Variants in ADAMTS12 observed in about 807,000 individuals in gnomAD.
ADAMTS12 encodes A disintegrin and metalloproteinase with thrombospondin motifs 12.
A neutral mutation model predicts 167.8 loss-of-function variants in ADAMTS12; 118 were observed. The ratio of observed to expected loss-of-function variants is 0.70; its 90% CI spans 0.61 to 0.82. ADAMTS12 has a LOEUF of 0.82. ADAMTS12 is among the 40% of genes least tolerant of loss of function. The pLI, the probability that ADAMTS12 is intolerant of heterozygous loss-of-function variation, is 0.00. For missense variants in ADAMTS12, 1,916 were observed against 1,998.8 expected (o/e 0.96, Z 0.79); for synonymous variants, 704 against 716.9 (o/e 0.98, Z 0.29).
intron 2 of ADAMTS12, among the ~76,000 whole-genome samples, chr5:33,852,407 C>A (rs1023337479): frequency 5.3e-5 from 8 of 152,124 alleles, no homozygotes; most frequent in African/African-American, 1.9e-4. Context: ...TTCTTACGGC[C>A]AAAGCAGAAA....
At chr5:33,680,142 C>T (rs1033574580) in intron 5 of ADAMTS12, among the ~76,000 whole-genome samples, 4 of 152,280 alleles carry the variant, frequency 2.6e-5, no homozygotes, top group East Asian at 1.9e-4. Context: ...TAATATTTGG[C>T]AAGTGGGAGG....
At chr5:33,777,763 T>C (rs1248681224) in intron 2 of ADAMTS12, among the ~76,000 whole-genome samples, 3 of 152,058 alleles carry the variant, frequency 2.0e-5, no homozygotes, top group African/African-American at 7.2e-5. Context: ...CATGGTCTTC[T>C]ATATAGAAAA....
chr5:33,587,948 A>G (rs1747439690), intron 18 of ADAMTS12, among the ~76,000 whole-genome samples: 1 of 152,230 alleles, frequency 6.6e-6, no homozygotes, highest in Admixed American at 6.5e-5. Context: ...GAACATGACA[A>G]TGCCTGATGA....
chr5:33,812,417 T>C (rs1483532052), intron 2 of ADAMTS12, among the ~76,000 whole-genome samples: 1 of 152,208 alleles, frequency 6.6e-6, no homozygotes, highest in Non-Finnish European at 1.5e-5. Context: ...ACATTTTAAG[T>C]GGGCAGCTCG....
At chr5:33,638,831 CT>C (rs1464761357) in intron 11 of ADAMTS12, among the ~76,000 whole-genome samples, 1 of 152,008 alleles carries the variant, frequency 6.6e-6, no homozygotes, top group Non-Finnish European at 1.5e-5. Context: ...TTTTTCTTTC[CT>C]TTGTGATACA....
intron 2 of ADAMTS12, among the ~76,000 whole-genome samples, chr5:33,765,250 A>ACTTCAT: frequency 6.6e-6 from 1 of 152,224 alleles, no homozygotes; most frequent in Non-Finnish European, 1.5e-5. Flanking sequence ...AGCCCTAAAT[A>ACTTCAT]CTTCATCAGG....
intron 2 of ADAMTS12, among the ~76,000 whole-genome samples, chr5:33,880,129 G>A (rs1750375300): frequency 6.6e-6 from 1 of 152,168 alleles, no homozygotes; most frequent in African/African-American, 2.4e-5. Context: ...TGCATTTTGA[G>A]ATATAGCGTA....
chr5:33,661,845 C>T (rs769725580), intron 6 of ADAMTS12, 71 bp downstream of exon 6: 3 of 1,596,256 alleles, frequency 1.9e-6, no homozygotes, highest in Non-Finnish European at 2.6e-6. Flanking sequence ...GGTTTGAACA[C>T]CTGGTAAGCC....
intron 16 of ADAMTS12, among the ~76,000 whole-genome samples, chr5:33,601,140 T>TGTGA (rs774156065): frequency 7.1e-4 from 106 of 148,940 alleles, no homozygotes; most frequent in Non-Finnish European, 1.2e-3. Flanking sequence ...TGTGTGTGTG[T>TGTGA]GATCAACAAT....
rs527340156 is a variant in ADAMTS12, at chr5:33,578,962, G to A, written c.2866-1802C>T. 2.2e-4 allele frequency among the ~76,000 whole-genome samples: 33 copies of A among 152,206 alleles called. No individual in the cohort carries two copies. The South Asian group carries it at 5.4e-3, about 25-fold the overall frequency. On this transcript the variant is annotated intron_variant, in intron 18 of 23. Coordinates refer to ENST00000504830, the MANE Select transcript of ADAMTS12 (RefSeq NM_030955.4). ...AAATAATAATAATAATAATTTGGGCGGAAATGATGCTTAATGCACAATCAT... is the reference window on the plus strand; with the variant it reads ...AAATAATAATAATAATAATTTGGGCAGAAATGATGCTTAATGCACAATCAT...
chr5:33,714,086 T>A (rs1029951654), intron 3 of ADAMTS12, among the ~76,000 whole-genome samples: 1 of 152,070 alleles, frequency 6.6e-6, no homozygotes. Context: ...CTTTCAGGAG[T>A]TGGTGTTTCT....
rs536103509 is a variant in ADAMTS12, at chr5:33,624,301, G to A, written c.2073C>T (p.Cys691=). The change falls in exon 14 of 24, where the codon TGC becomes TGT. Residue 691 remains cysteine (C), a synonymous_variant. Coordinates refer to ENST00000504830, the MANE Select transcript of ADAMTS12 (RefSeq NM_030955.4). ...EIDSNATEDR[C]GVCLGDGSSC... is the part of the protein sequence containing the mutation. ...AAGAGCCATCTCCCAGGCACACACC[G>A]CAGCGATCCTCGGTGGCATTGGAAT... 305 of 1,613,980 alleles carry A rather than the reference G, an allele frequency of 1.9e-4. 1 individual carries two copies. Among genetic ancestry groups the A allele is most frequent in the South Asian group, 1.5e-3 (138 of 91,070 alleles).
chr5:33,884,522 T>C (rs1750570352), intron 1 of ADAMTS12, among the ~76,000 whole-genome samples: 1 of 152,132 alleles, frequency 6.6e-6, no homozygotes, highest in Non-Finnish European at 1.5e-5. Context: ...TAGCAAACCC[T>C]CAAGATCTCT....
intron 3 of ADAMTS12, among the ~76,000 whole-genome samples, chr5:33,700,132 A>C (rs1742948706): frequency 6.6e-6 from 1 of 152,196 alleles, no homozygotes; most frequent in Non-Finnish European, 1.5e-5. Context: ...TGTTTTAACA[A>C]ACAGTTTGGC....
chr5:33,885,207 T>C (rs1036578159), intron 1 of ADAMTS12, among the ~76,000 whole-genome samples: 1 of 152,182 alleles, frequency 6.6e-6, no homozygotes, highest in African/African-American at 2.4e-5. Context: ...TTCAGAAATA[T>C]GGAAACAATA....
intron 2 of ADAMTS12, among the ~76,000 whole-genome samples, chr5:33,830,894 T>C (rs1748273162): frequency 6.6e-6 from 1 of 152,178 alleles, no homozygotes; most frequent in Non-Finnish European, 1.5e-5. Context: ...TAAACATATA[T>C]ATTAATTTTA....
chr5:33,741,714 G>A (rs562052910), intron 3 of ADAMTS12, among the ~76,000 whole-genome samples: 54 of 152,148 alleles, frequency 3.5e-4, no homozygotes, highest in Middle Eastern at 3.4e-3. Flanking sequence ...TGCAACCTCC[G>A]CCTCCCGGGT....
intron 2 of ADAMTS12, among the ~76,000 whole-genome samples, chr5:33,774,235 G>A (rs530517444): frequency 1.1e-4 from 16 of 152,162 alleles, no homozygotes; most frequent in East Asian, 5.8e-4. Context: ...AGCCGTAAAC[G>A]AACCAGACAT....
intron 1 of ADAMTS12, among the ~76,000 whole-genome samples, chr5:33,884,819 T>C (rs946660397): frequency 6.6e-6 from 1 of 152,196 alleles, no homozygotes; most frequent in Non-Finnish European, 1.5e-5. Context: ...AGAGTCCCAT[T>C]TGAATACCCT....
Sources: allele counts gnomAD v4.1 joint callset (sites outside exome capture counted in the v4.1 genomes callset), GRCh38; gene constraint gnomAD v4.1.1; transcripts MANE v1.5; gene names NCBI Gene and HGNC (gene_info 2026-07-23, HGNC 2026-07-21).